The following STXBP5L variants were observed in gnomAD, a reference collection of about 807,000 sequenced individuals.
STXBP5L encodes syntaxin binding protein 5L, also known as syntaxin-binding protein 5-like.
A neutral mutation model predicts 144.5 loss-of-function variants in STXBP5L; 65 were observed. The ratio of observed to expected loss-of-function variants is 0.45; its 90% CI spans 0.37 to 0.55. The LOEUF is 0.55. Among genes scored for constraint, STXBP5L ranks in the 20% least tolerant of loss-of-function variants. The pLI, the probability that STXBP5L is intolerant of heterozygous loss-of-function variation, is 0.00. For missense variants in STXBP5L, 1,298 were observed against 1,405.5 expected (o/e 0.92, Z 1.22); for synonymous variants, 505 against 469.6 (o/e 1.08, Z -0.97).
intron 9 of STXBP5L, among the ~76,000 whole-genome samples, chr3:121,171,667 G>C (rs1413569973): frequency 6.6e-6 from 1 of 152,114 alleles, no homozygotes; most frequent in Non-Finnish European, 1.5e-5. Flanking sequence ...TCTTCAAGCA[G>C]AACTACAAAC....
intron 24 of STXBP5L, among the ~76,000 whole-genome samples, chr3:121,414,784 G>C (rs1350533911): frequency 6.6e-6 from 1 of 152,164 alleles, no homozygotes; most frequent in Non-Finnish European, 1.5e-5. Context: ...TTTATCCCAA[G>C]GGCAGTGGTC....
intron 19 of STXBP5L, among the ~76,000 whole-genome samples, chr3:121,282,798 A>C (rs1315123929): frequency 1.3e-5 from 2 of 152,048 alleles, no homozygotes; most frequent in Non-Finnish European, 2.9e-5. Context: ...CTTGAAGATA[A>C]CTAAGTATTC....
intron 19 of STXBP5L, among the ~76,000 whole-genome samples, chr3:121,304,788 C>T (rs1264648146): frequency 2.0e-5 from 3 of 151,360 alleles, no homozygotes; most frequent in African/African-American, 7.3e-5. Flanking sequence ...TGATCTAAAG[C>T]TCTTGATTAA....
At chr3:121,166,813 C>T (rs183050191) in intron 9 of STXBP5L, among the ~76,000 whole-genome samples, 108 of 151,844 alleles carry the variant, frequency 7.1e-4, no homozygotes, top group Middle Eastern at 3.4e-3. Flanking sequence ...AGAGATGAAA[C>T]GACAAAATAT....
chr3:121,279,851 C>T lies in STXBP5L; in HGVS notation c.2005C>T (p.Gln669Ter). 1 of 1,612,432 alleles carries T rather than the reference C, an allele frequency of 6.2e-7. No individual in the cohort carries two copies. Among genetic ancestry groups the T allele is most frequent in the Non-Finnish European group, 8.5e-7 (1 of 1,178,870 alleles). The change falls in exon 19 of 27, where the codon CAG becomes TAG. Residue 669 changes from glutamine to a stop codon, truncating the protein, a stop_gained. Coordinates refer to ENST00000471454, the MANE Select transcript of STXBP5L (RefSeq NM_001308330.2). LOFTEE classifies it high-confidence loss of function. ...TGGGTTGGCTGTGGTGGATTTTATA[C>T]AGAAGACAGTACTGTTAAGCATGGG... ...CNGLAVVDFI[Q>*]KTVLLSMGTI...
chr3:120,999,802 G>GA (rs1943628753), intron 3 of STXBP5L, among the ~76,000 whole-genome samples: 1 of 152,150 alleles, frequency 6.6e-6, no homozygotes, highest in Non-Finnish European at 1.5e-5. Context: ...TTGCTTGTCT[G>GA]AAAAATATTG....
At chr3:121,015,583 G>A (rs1402411819) in intron 3 of STXBP5L, among the ~76,000 whole-genome samples, 1 of 152,126 alleles carries the variant, frequency 6.6e-6, no homozygotes, top group East Asian at 1.9e-4. Context: ...AAATGTTCGG[G>A]AACCCCCAAT....
At chr3:121,278,670 A>G (rs1013728657) in intron 18 of STXBP5L, among the ~76,000 whole-genome samples, 97 of 151,908 alleles carry the variant, frequency 6.4e-4, no homozygotes, top group African/African-American at 2.3e-3. Context: ...CTGACTTGAT[A>G]CTCATAAAAG....
intron 19 of STXBP5L, among the ~76,000 whole-genome samples, chr3:121,315,760 G>T (rs1412306165): frequency 3.9e-5 from 6 of 152,096 alleles, no homozygotes. Flanking sequence ...CCAGCACTTT[G>T]GGAGGCTGAG....
At chr3:121,098,185 A>G (rs934869088) in intron 5 of STXBP5L, among the ~76,000 whole-genome samples, 3 of 152,132 alleles carry the variant, frequency 2.0e-5, no homozygotes, top group African/African-American at 7.2e-5. Flanking sequence ...AGATTGTTTG[A>G]TGACTGCCCT....
At chr3:121,411,699 T>A (rs189247675) in intron 23 of STXBP5L, among the ~76,000 whole-genome samples, 137 of 152,278 alleles carry the variant, frequency 9.0e-4, no homozygotes, top group African/African-American at 3.2e-3. Flanking sequence ...TGGCCATATT[T>A]ACTTATTAGT....
At chr3:121,382,629 G>A (rs112014038) in intron 22 of STXBP5L, among the ~76,000 whole-genome samples, 2,634 of 152,038 alleles carry the variant, frequency 0.017, 70 homozygotes, top group African/African-American at 0.059. Flanking sequence ...AAGTTTAAAG[G>A]TACAGTCAGC....
At chr3:121,103,214 TA>T (rs35649963) in intron 5 of STXBP5L, among the ~76,000 whole-genome samples, 21,000 of 152,024 alleles carry the variant, frequency 0.14, 1,622 homozygotes, top group South Asian at 0.27. Context: ...CATAGAAAAA[TA>T]AATTGTTCTA....
intron 3 of STXBP5L, among the ~76,000 whole-genome samples, chr3:121,019,422 G>T (rs1339042890): frequency 6.6e-6 from 1 of 152,190 alleles, no homozygotes; most frequent in African/African-American, 2.4e-5. Context: ...CGCAGCTGAT[G>T]TGCTCTTGAA....
chr3:121,285,256 C>A (rs1300743684), intron 19 of STXBP5L, among the ~76,000 whole-genome samples: 1 of 151,930 alleles, frequency 6.6e-6, no homozygotes, highest in East Asian at 1.9e-4. Context: ...TATTTCTCTA[C>A]ACATGAGAAA....
At chr3:121,312,478 T>TTTTTG (rs2043573282) in intron 19 of STXBP5L, among the ~76,000 whole-genome samples, 2 of 89,218 alleles carry the variant, frequency 2.2e-5, no homozygotes, top group Non-Finnish European at 4.5e-5. Flanking sequence ...TTTTTTTTTT[T>TTTTTG]ATTGATCATT....
chr3:121,090,107 C>T (rs1476423636), intron 5 of STXBP5L, among the ~76,000 whole-genome samples: 1 of 151,976 alleles, frequency 6.6e-6, no homozygotes. Context: ...TTTTCTATTT[C>T]CTATTATAAT....
chr3:121,398,400 G>A (rs1482553503), intron 22 of STXBP5L, among the ~76,000 whole-genome samples: 1 of 152,234 alleles, frequency 6.6e-6, no homozygotes, highest in East Asian at 1.9e-4. Context: ...ATATTGTACA[G>A]GGGTGAGGGA....
At chr3:121,388,438 A>C (rs2046485698) in intron 22 of STXBP5L, among the ~76,000 whole-genome samples, 1 of 152,252 alleles carries the variant, frequency 6.6e-6, no homozygotes, top group East Asian at 1.9e-4. Context: ...CACTATATTG[A>C]ATAGGAGTGG....
Sources: allele counts gnomAD v4.1 joint callset (sites outside exome capture counted in the v4.1 genomes callset), GRCh38; gene constraint gnomAD v4.1.1; transcripts MANE v1.5; gene names NCBI Gene and HGNC (gene_info 2026-07-23, HGNC 2026-07-21).